Variants in TLK1 observed in about 807,000 individuals in gnomAD.
TLK1 encodes tousled like kinase 1.
In TLK1, 24 loss-of-function variants were observed where a neutral mutation model predicts 105.3. That is an observed-to-expected ratio of 0.23 (90% CI 0.17 to 0.32). The LOEUF (loss-of-function observed/expected upper bound fraction) is 0.32. Ranked by LOEUF, TLK1 falls within the 10% of genes least tolerant of loss-of-function variation. TLK1 has a pLI of 1.00. For synonymous variants in TLK1, 321 were observed against 310.4 expected (o/e 1.03, Z -0.36); for missense variants, 558 against 910.5 (o/e 0.61, Z 4.98).
intron 2 of TLK1, among the ~76,000 whole-genome samples, chr2:171,108,062 A>C (rs1218147342): frequency 3.3e-5 from 4 of 122,808 alleles, no homozygotes; most frequent in South Asian, 2.2e-4. Context: ...TCTCTCAAAA[A>C]AAAAACAACA....
chr2:171,225,099 G>C (rs1232705760), intron 1 of TLK1, among the ~76,000 whole-genome samples: 1 of 151,616 alleles, frequency 6.6e-6, no homozygotes, highest in Non-Finnish European at 1.5e-5. Flanking sequence ...CACTAAATAT[G>C]ACCCTAAAAG....
chr2:171,006,406 T>C (rs947998324), intron 17 of TLK1, 68 bp downstream of exon 17: 1 of 1,495,066 alleles, frequency 6.7e-7, no homozygotes, highest in Admixed American at 2.2e-5. Context: ...TGTTTTCAGA[T>C]AACTTAATGA....
chr2:171,194,818 G>C (rs1415654544), intron 1 of TLK1, among the ~76,000 whole-genome samples: 1 of 111,642 alleles, frequency 9.0e-6, no homozygotes, highest in Non-Finnish European at 1.9e-5. Context: ...CTCCGTCTCA[G>C]GGAAAAAAAA....
intron 1 of TLK1, among the ~76,000 whole-genome samples, chr2:171,198,934 A>C (rs1386742572): frequency 6.6e-6 from 1 of 152,222 alleles, no homozygotes; most frequent in Non-Finnish European, 1.5e-5. Flanking sequence ...CTTTGACATC[A>C]CCAGAATCAC....
chr2:171,014,997 T>C, intron 12 of TLK1, 49 bp from the exon 13 acceptor site: 1 of 1,381,548 alleles, frequency 7.2e-7, no homozygotes, highest in East Asian at 2.3e-5. Flanking sequence ...ATTTGCGATA[T>C]AAAAAAGATA....
chr2:171,067,893 T>C (rs1479236076), intron 3 of TLK1, among the ~76,000 whole-genome samples: 1 of 152,206 alleles, frequency 6.6e-6, no homozygotes, highest in Non-Finnish European at 1.5e-5. Flanking sequence ...GTTCTTGTGT[T>C]AGTTTGCTGA....
At chr2:171,130,356 C>G (rs542471999) in intron 1 of TLK1, among the ~76,000 whole-genome samples, 1 of 151,670 alleles carries the variant, frequency 6.6e-6, no homozygotes, top group Non-Finnish European at 1.5e-5. Context: ...AAGCCAAGAT[C>G]GCACCACTGC....
chr2:171,183,105 A>C (rs1443273937), intron 1 of TLK1, among the ~76,000 whole-genome samples: 1 of 152,082 alleles, frequency 6.6e-6, no homozygotes, highest in Non-Finnish European at 1.5e-5. Flanking sequence ...AAGTTTAAAA[A>C]CCTGTTTTTC....
intron 12 of TLK1, among the ~76,000 whole-genome samples, chr2:171,023,458 C>T (rs957046993): frequency 6.6e-6 from 1 of 151,664 alleles, no homozygotes; most frequent in African/African-American, 2.4e-5. Flanking sequence ...CACATTAAAG[C>T]CAATCCCTAC....
intron 13 of TLK1, among the ~76,000 whole-genome samples, chr2:171,012,877 C>T (rs1215681938): frequency 3.9e-5 from 6 of 152,098 alleles, no homozygotes; most frequent in African/African-American, 1.4e-4. Context: ...GAAATTTCTG[C>T]TTAGTTTCAA....
chr2:171,093,527 A>C (rs1480388658), intron 2 of TLK1, among the ~76,000 whole-genome samples: 1 of 152,216 alleles, frequency 6.6e-6, no homozygotes, highest in African/African-American at 2.4e-5. Flanking sequence ...AGGGAACCAC[A>C]AATAGGCTGT....
chr2:171,068,917 T>C (rs766012681), intron 3 of TLK1, among the ~76,000 whole-genome samples: 2 of 152,316 alleles, frequency 1.3e-5, no homozygotes, highest in African/African-American at 2.4e-5. Flanking sequence ...TGTGTTCTAC[T>C]GACATAAAAA....
intron 3 of TLK1, among the ~76,000 whole-genome samples, chr2:171,063,518 T>C (rs1295579817): frequency 6.6e-6 from 1 of 152,168 alleles, no homozygotes; most frequent in Non-Finnish European, 1.5e-5. Flanking sequence ...TCGAATTCCA[T>C]CTTAAATCTT....
chr2:171,000,557 TATTC>T (rs928835390), intron 18 of TLK1, among the ~76,000 whole-genome samples: 6 of 152,054 alleles, frequency 3.9e-5, no homozygotes, highest in African/African-American at 1.4e-4. Context: ...AGAAAATCAC[TATTC>T]ATTAAGTGAA....
intron 6 of TLK1, among the ~76,000 whole-genome samples, chr2:171,056,209 A>G (rs1047691261): frequency 2.0e-5 from 3 of 152,112 alleles, no homozygotes; most frequent in Non-Finnish European, 4.4e-5. Context: ...CAGACTCAAC[A>G]GGCATTCTTT....
chr2:171,138,602 TG>T (rs1299541219), intron 1 of TLK1, among the ~76,000 whole-genome samples: 1 of 152,194 alleles, frequency 6.6e-6, no homozygotes, highest in Non-Finnish European at 1.5e-5. Context: ...TAGTAAGCCT[TG>T]GCAGTAATGA....
Position 170,993,585 on chromosome 2 carries a change from T to C in TLK1, c.*195A>G, listed in dbSNP as rs1683887630. 2.3e-6 allele frequency: 1 copy of C among 441,866 alleles called. No individual in the cohort carries two copies. The highest frequency in any genetic ancestry group is 2.0e-5 in the African/African-American group (1 of 49,038). 27.4% of individuals were successfully genotyped at this position (441,866 alleles called of 1,614,324 possible). Reference sequence around the variant, plus strand: ...AAAATTATAGTCAGAAGTGTGCATTTATTCATTGTCCATGATCCTCTCTCA... The same window carrying C: ...AAAATTATAGTCAGAAGTGTGCATTCATTCATTGTCCATGATCCTCTCTCA... On this transcript the variant is annotated 3_prime_UTR_variant, in exon 21 of 21. Coordinates refer to ENST00000431350, the MANE Select transcript of TLK1 (RefSeq NM_012290.5).
chr2:171,198,042 T>A (rs1693309884), intron 1 of TLK1, among the ~76,000 whole-genome samples: 3 of 152,206 alleles, frequency 2.0e-5, no homozygotes, highest in Admixed American at 2.0e-4. Flanking sequence ...GTTTCTGGCC[T>A]AGAGTAGATG....
At chr2:171,184,941 C>A (rs1692998033) in intron 1 of TLK1, among the ~76,000 whole-genome samples, 1 of 152,076 alleles carries the variant, frequency 6.6e-6, no homozygotes, top group South Asian at 2.1e-4. Context: ...CAGGATCAGG[C>A]CATTCTCCTG....
Sources: allele counts gnomAD v4.1 joint callset (sites outside exome capture counted in the v4.1 genomes callset), GRCh38; gene constraint gnomAD v4.1.1; transcripts MANE v1.5; gene names NCBI Gene and HGNC (gene_info 2026-07-23, HGNC 2026-07-21).